The following ZSCAN32 variants were observed in gnomAD, a reference collection of about 807,000 sequenced individuals.
The protein encoded by ZSCAN32 is zinc finger and SCAN domain containing 32.
A neutral mutation model predicts 47.4 loss-of-function variants in ZSCAN32; 52 were observed. That is an observed-to-expected ratio of 1.10 (90% CI 0.88 to 1.38). ZSCAN32 has a LOEUF of 1.38. Among genes scored for constraint, ZSCAN32 ranks in the 40% most tolerant of loss-of-function variants. ZSCAN32 has a pLI of 0.00. For synonymous variants in ZSCAN32, 346 were observed against 305.7 expected (o/e 1.13, Z -1.38); for missense variants, 959 against 846.0 (o/e 1.13, Z -1.66).
intron 3 of ZSCAN32, among the ~76,000 whole-genome samples, chr16:3,390,940 C>T (rs909993892): frequency 3.9e-5 from 6 of 152,028 alleles, no homozygotes; most frequent in African/African-American, 1.4e-4. Flanking sequence ...AACCAGAGTA[C>T]TCTTTAAAAT....
At chr16:3,385,742 T>C (rs1469492712) in intron 5 of ZSCAN32, among the ~76,000 whole-genome samples, 1 of 152,236 alleles carries the variant, frequency 6.6e-6, no homozygotes, top group African/African-American at 2.4e-5. Context: ...GCTAGCCATA[T>C]GTAGAAAGCT....
intron 3 of ZSCAN32, among the ~76,000 whole-genome samples, chr16:3,391,406 G>A (rs1245883755): frequency 5.9e-5 from 9 of 152,172 alleles, no homozygotes; most frequent in African/African-American, 2.2e-4. Flanking sequence ...AGCCGGGCGC[G>A]GTGGCTCACG....
chr16:3,393,020 T>TAATGG (rs935534640), intron 3 of ZSCAN32, among the ~76,000 whole-genome samples: 2 of 148,434 alleles, frequency 1.3e-5, no homozygotes, highest in Non-Finnish European at 3.0e-5. Flanking sequence ...TGTTCACCTT[T>TAATGG]AATGACACCT....
At chr16:3,391,377 T>C (rs1014009707) in intron 3 of ZSCAN32, among the ~76,000 whole-genome samples, 2 of 152,152 alleles carry the variant, frequency 1.3e-5, no homozygotes, top group African/African-American at 4.8e-5. Context: ...TTAACTTTGC[T>C]TAAAAAAAAA....
At position 3,383,791 on chromosome 16, in the gene ZSCAN32, C is replaced by T. The variant is rs143149192; in HGVS notation, c.1235-80G>A. On this transcript the variant is annotated intron_variant, in intron 6 of 6. Coordinates refer to ENST00000396852, the MANE Select transcript of ZSCAN32 (RefSeq NM_001284527.2). ...GGAATGCAAAGTTATAACTATACTA[C>T]GTAGAAGAAATATCTAATTGAAATT... The T allele has an allele frequency of 4.0e-4, 539 of 1,362,962 alleles. 7 individuals carry two copies. The East Asian group carries it at 9.2e-3, about 23-fold the overall frequency. 84.4% of individuals were successfully genotyped at this position (1,362,962 alleles called of 1,614,324 possible).
At chr16:3,395,042 C>A (rs1300120839) in intron 2 of ZSCAN32, among the ~76,000 whole-genome samples, 1 of 152,220 alleles carries the variant, frequency 6.6e-6, no homozygotes, top group Non-Finnish European at 1.5e-5. Flanking sequence ...TCTGTTTCCC[C>A]CATGGACCGC....
rs1205879696 is a variant in ZSCAN32 at position 3,393,259 on chromosome 16, TTTG to T, written c.532+387_532+389del. 1.4e-3 allele frequency among the ~76,000 whole-genome samples: 62 copies of T among 45,516 alleles called. 12 individuals are homozygous for T. The highest frequency in any genetic ancestry group is 5.6e-3 in the African/African-American group (43 of 7,706). The allele number at this position is 45,516 out of a possible 152,430, so 29.9% of individuals were successfully genotyped here. A position where few individuals can be genotyped will look rare whatever the true frequency, so the allele number is the denominator to read the frequency against. On this transcript the variant is annotated intron_variant, in intron 3 of 6. Coordinates refer to ENST00000396852, the MANE Select transcript of ZSCAN32 (RefSeq NM_001284527.2). Reference sequence around the variant, plus strand: ...ATATATTTTATATATATATATATTTTTTGTTTTCTTTGAGACAGCCCAGGCTGG... The same window carrying T: ...ATATATTTTATATATATATATATTTTTTTTCTTTGAGACAGCCCAGGCTGG...
At position 3,390,030 on chromosome 16, in the gene ZSCAN32, T is replaced by C; in HGVS notation, c.731A>G (p.Lys244Arg). Residue 244 changes from lysine to arginine, a missense_variant, in exon 5 of 7, where the codon AAG (lysine) becomes AGG (arginine). Physicochemically the swap from Lys to Arg is conservative, Grantham distance 26 (BLOSUM62 2). Coordinates refer to ENST00000396852, the MANE Select transcript of ZSCAN32 (RefSeq NM_001284527.2). ...CTTACCCAGCGAGACGTGACTGTCC[T>C]TCCTCTGGGTGGCACCCCTGTAGAG... ...RALYRGATQR[K>R]DSHVSLATGV... 6.2e-7 allele frequency: 1 copy of C among 1,613,256 alleles called. No individual in the cohort carries two copies. Among genetic ancestry groups the C allele is most frequent in the Non-Finnish European group, 8.5e-7 (1 of 1,179,642 alleles).
intron 2 of ZSCAN32, among the ~76,000 whole-genome samples, chr16:3,395,342 G>T (rs1284568818): frequency 6.6e-6 from 1 of 152,160 alleles, no homozygotes; most frequent in Non-Finnish European, 1.5e-5. Flanking sequence ...CTCATCTTCA[G>T]TTGTAGTTCC....
chr16:3,399,919 T>A (rs192882122), intron 1 of ZSCAN32, among the ~76,000 whole-genome samples: 7 of 152,306 alleles, frequency 4.6e-5, no homozygotes, highest in Admixed American at 4.6e-4. Flanking sequence ...CAGTCTTTTT[T>A]AATGAGTTTG....
chr16:3,397,131 TAACTGG>T, intron 2 of ZSCAN32, 55 bp downstream of exon 2: 1 of 1,467,534 alleles, frequency 6.8e-7, no homozygotes, highest in Non-Finnish European at 9.0e-7. Flanking sequence ...ACCTCTCCAG[TAACTGG>T]ATTCCCCGAC....
chr16:3,397,238 T>A lies in ZSCAN32; in HGVS notation c.320A>T (p.Glu107Val). ...VREQHPENGEEAVALVEDVQR... is the reference protein window; with the variant it reads ...VREQHPENGEVAVALVEDVQR... ...TACATCCTCAACCAGAGCCACAGCTTCCTCGCCGTTTTCTGGATGCTGCTC... is the reference window on the plus strand; with the variant it reads ...TACATCCTCAACCAGAGCCACAGCTACCTCGCCGTTTTCTGGATGCTGCTC... Residue 107 changes from glutamate to valine, a missense_variant, in exon 2 of 7, where the codon GAA (glutamate) becomes GTA (valine). Physicochemically the swap from Glu to Val is moderately radical, Grantham distance 121 (BLOSUM62 -2). Coordinates refer to ENST00000396852, the MANE Select transcript of ZSCAN32 (RefSeq NM_001284527.2). 1 of 1,560,030 alleles carries A rather than the reference T, an allele frequency of 6.4e-7. No individual in the cohort carries two copies.
At chr16:3,393,848 T>C (rs1374120178) in intron 2 of ZSCAN32, 34 bp from the exon 3 acceptor site, 9 of 1,502,494 alleles carry the variant, frequency 6.0e-6, no homozygotes, top group Non-Finnish European at 7.2e-6. Context: ...TCACTACAAA[T>C]TCCTGCCTAA....
In ZSCAN32 at chr16:3,398,752, A is replaced by G. The variant is rs116062249; in HGVS notation, c.-187-1008T>C. 4.2e-3 allele frequency among the ~76,000 whole-genome samples: 634 copies of G among 152,034 alleles called. 4 individuals are homozygous for G. Among genetic ancestry groups the G allele is most frequent in the African/African-American group, 0.014 (589 of 41,448 alleles). On this transcript the variant is annotated intron_variant, in intron 1 of 6. Coordinates refer to ENST00000396852, the MANE Select transcript of ZSCAN32 (RefSeq NM_001284527.2). ...CAAGAAGCCTGAATTCATGTTCCCA[A>G]TTGCTACCCTCTCCTCGGGGGAGAA... is the stretch of plus-strand genomic sequence containing the variant.
chr16:3,397,849 C>T (rs2033524286), intron 1 of ZSCAN32, 105 bp from the exon 2 acceptor site: 1 of 283,716 alleles, frequency 3.5e-6, no homozygotes, highest in Non-Finnish European at 6.6e-6. Flanking sequence ...CACAAATCTA[C>T]ACCAAGGATC....
intron 3 of ZSCAN32, among the ~76,000 whole-genome samples, chr16:3,392,654 C>T (rs895765061): frequency 3.3e-5 from 5 of 152,074 alleles, no homozygotes; most frequent in Non-Finnish European, 7.4e-5. Context: ...GATGAAACGC[C>T]GTCTCTACTA....
chr16:3,397,449 G>C lies in ZSCAN32; in HGVS notation c.109C>G (p.Arg37Gly), dbSNP rs1041377937. ...TAGCAAAACTGCCTGAAGCGCTGAC[G>C]GGAGGCCTCGGAGTCAGGGCTGTTA... ...QGNSPDSEAS[R>G]QRFRQFCYQE... Residue 37 changes from arginine to glycine, a missense_variant, in exon 2 of 7, where the codon CGT becomes GGT. Transcript: ENST00000396852. 2.6e-6 allele frequency: 4 copies of C among 1,550,924 alleles called. No homozygotes were observed. The highest frequency in any genetic ancestry group is 1.4e-5 in the African/African-American group (1 of 73,174).
intron 5 of ZSCAN32, 25 bp from the exon 6 acceptor site, chr16:3,384,966 T>C (rs27231): frequency 0.27 from 439,023 of 1,597,420 alleles, 61,494 homozygotes; most frequent in Non-Finnish European, 0.29. Flanking sequence ...ATAGGTCAAT[T>C]AGATCTGTCA....
chr16:3,390,644 C>A, intron 3 of ZSCAN32, 127 bp from the exon 4 acceptor site: 1 of 725,644 alleles, frequency 1.4e-6, no homozygotes, highest in South Asian at 1.7e-5. Context: ...AATACAAATT[C>A]TGGGGCCCCA....
Sources: gnomAD v4.1 joint callset for allele counts (sites outside exome capture counted in the v4.1 genomes callset) on GRCh38, gnomAD v4.1.1 for gene constraint, MANE v1.5 for transcripts, NCBI Gene and HGNC (gene_info 2026-07-23, HGNC 2026-07-21) for gene names.